GRM8: variants seen among roughly 807,000 people sequenced by gnomAD.
GRM8 encodes the protein glutamate metabotropic receptor 8, also known as metabotropic glutamate receptor 8.
GRM8 carries 47 observed loss-of-function variants against 87.2 expected under a neutral mutation model. The ratio of observed to expected loss-of-function variants is 0.54; its 90% confidence interval spans 0.43 to 0.69. The LOEUF (loss-of-function observed/expected upper bound fraction) is 0.69. GRM8 is among the 30% of genes least tolerant of loss of function. The pLI is 0.00. For missense variants in GRM8, 1,019 were observed against 1,139.2 expected, an observed-to-expected ratio of 0.89 and a Z score of 1.52; for synonymous variants, 396 against 404.5, an observed-to-expected ratio of 0.98 and a Z score of 0.25.
chr7:126,878,519 CTTTTT>C (rs35669727), intron 6 of GRM8, among the ~76,000 whole-genome samples: 5 of 131,054 alleles, frequency 3.8e-5, no homozygotes, highest in African/African-American at 1.4e-4. Context: ...TCGTCTTCTT[CTTTTT>C]TTTTTTTTTT....
intron 3 of GRM8, among the ~76,000 whole-genome samples, chr7:126,915,392 C>A (rs970973351): frequency 2.0e-5 from 3 of 152,188 alleles, no homozygotes; most frequent in African/African-American, 7.2e-5. Flanking sequence ...ACAGCCCCCA[C>A]ACAGAAACAG....
intron 3 of GRM8, among the ~76,000 whole-genome samples, chr7:126,941,231 A>C (rs1806885091): frequency 6.6e-6 from 1 of 152,162 alleles, no homozygotes; most frequent in South Asian, 2.1e-4. Context: ...AACAATTCTA[A>C]TTCTGCACTT....
At chr7:126,791,722 G>A (rs1821355149) in intron 6 of GRM8, among the ~76,000 whole-genome samples, 1 of 152,162 alleles carries the variant, frequency 6.6e-6, no homozygotes. Context: ...CACAGCTTGT[G>A]GGTAAAAGAA....
At chr7:126,890,264 A>G (rs1800869767) in intron 6 of GRM8, among the ~76,000 whole-genome samples, 1 of 152,092 alleles carries the variant, frequency 6.6e-6, no homozygotes, top group African/African-American at 2.4e-5. Flanking sequence ...AGTAAGCAAC[A>G]GTATCTGTTA....
chr7:126,688,427 G>A (rs1192818595), intron 7 of GRM8, among the ~76,000 whole-genome samples: 1 of 152,148 alleles, frequency 6.6e-6, no homozygotes, highest in Non-Finnish European at 1.5e-5. Context: ...GGAGGTCGGT[G>A]ATGAATAGAG....
intron 7 of GRM8, among the ~76,000 whole-genome samples, chr7:126,698,349 C>G (rs950560650): frequency 5.9e-5 from 9 of 151,966 alleles, no homozygotes; most frequent in Non-Finnish European, 1.3e-4. Context: ...TATTTTCTAC[C>G]ATTTACAGAA....
chr7:127,230,290 C>T (rs1216892297), intron 2 of GRM8, among the ~76,000 whole-genome samples: 3 of 152,188 alleles, frequency 2.0e-5, no homozygotes, highest in Non-Finnish European at 2.9e-5. Flanking sequence ...TTTAATCCTC[C>T]TAGAGACTCC....
chr7:126,628,548 G>A (rs917543744), intron 7 of GRM8, among the ~76,000 whole-genome samples: 2 of 152,036 alleles, frequency 1.3e-5, no homozygotes, highest in African/African-American at 4.8e-5. Context: ...CACAAATATA[G>A]ATAAATCTCA....
At chr7:126,840,833 A>G (rs1796206598) in intron 6 of GRM8, among the ~76,000 whole-genome samples, 1 of 152,238 alleles carries the variant, frequency 6.6e-6, no homozygotes, top group Non-Finnish European at 1.5e-5. Context: ...ATGTCACAAA[A>G]GAGGTTAGAG....
chr7:126,757,478 C>G (rs1367528142), intron 7 of GRM8, among the ~76,000 whole-genome samples: 1 of 152,174 alleles, frequency 6.6e-6, no homozygotes, highest in Non-Finnish European at 1.5e-5. Context: ...AAAAGCCGAA[C>G]AAGACCTGGG....
At chr7:127,044,563 T>TAA (rs796851432) in intron 3 of GRM8, among the ~76,000 whole-genome samples, 1 of 149,072 alleles carries the variant, frequency 6.7e-6, no homozygotes, top group Non-Finnish European at 1.5e-5. Context: ...ACCGTTTAGC[T>TAA]AAAAAAAAAA....
intron 2 of GRM8, among the ~76,000 whole-genome samples, chr7:127,127,661 A>G (rs946256400): frequency 1.3e-5 from 2 of 152,068 alleles, no homozygotes; most frequent in Admixed American, 6.6e-5. Context: ...TGGCACAAGG[A>G]AAGTTTTTAG....
At chr7:126,559,120 A>G (rs1793436796) in intron 8 of GRM8, among the ~76,000 whole-genome samples, 1 of 151,378 alleles carries the variant, frequency 6.6e-6, no homozygotes, top group African/African-American at 2.4e-5. Context: ...ACTGATCTTG[A>G]AGGAAGTGTC....
chr7:127,103,222 A>G (rs1262061453), intron 3 of GRM8, among the ~76,000 whole-genome samples: 1 of 152,194 alleles, frequency 6.6e-6, no homozygotes, highest in Non-Finnish European at 1.5e-5. Flanking sequence ...ATTTGAGAGG[A>G]GCCAAGGTGG....
intron 3 of GRM8, among the ~76,000 whole-genome samples, chr7:126,936,379 G>A (rs1395027811): frequency 4.6e-5 from 7 of 152,142 alleles, no homozygotes; most frequent in South Asian, 2.1e-4. Context: ...GGCTTGCCAC[G>A]ACTCCAGTCA....
chr7:127,212,740 A>C (rs1796300152), intron 2 of GRM8, among the ~76,000 whole-genome samples: 2 of 152,186 alleles, frequency 1.3e-5, no homozygotes, highest in Non-Finnish European at 2.9e-5. Context: ...TTTTTAACTG[A>C]GACATAAAAA....
chr7:127,030,298 G>A (rs935427979), intron 3 of GRM8, among the ~76,000 whole-genome samples: 1 of 81,716 alleles, frequency 1.2e-5, no homozygotes, highest in Non-Finnish European at 2.5e-5. Flanking sequence ...CTCCCCAGAA[G>A]GTTCACCCCT....
At chr7:127,197,602 A>AC (rs1795354585) in intron 2 of GRM8, among the ~76,000 whole-genome samples, 1 of 152,072 alleles carries the variant, frequency 6.6e-6, no homozygotes. Flanking sequence ...TCTGTCAAAA[A>AC]AAAAAAGGGG....
At chr7:126,646,257 G>GGGAAAGAAGGAAGGAA (rs1803046303) in intron 7 of GRM8, among the ~76,000 whole-genome samples, 14 of 87,146 alleles carry the variant, frequency 1.6e-4, no homozygotes, top group Admixed American at 1.2e-4. Context: ...GAGAGAAGGA[G>GGGAAAGAAGGAAGGAA]GGAAAGAAGG....
Sources: gnomAD v4.1 joint callset for allele counts (sites outside exome capture counted in the v4.1 genomes callset) on GRCh38, gnomAD v4.1.1 for gene constraint, MANE v1.5 for transcripts, NCBI Gene and HGNC (gene_info 2026-07-23, HGNC 2026-07-21) for gene names.